SNX29: variants seen among roughly 807,000 people sequenced by gnomAD.
SNX29 encodes the protein sorting nexin 29, also known as sorting nexin-29.
SNX29 carries 78 observed loss-of-function variants against 102.1 expected under a neutral mutation model. That is an observed-to-expected ratio of 0.76 (90% confidence interval 0.64 to 0.92). The LOEUF (loss-of-function observed/expected upper bound fraction) is 0.92, where lower values mean the gene tolerates loss of function less well. SNX29 is among the 40% of genes least tolerant of loss of function. The pLI, the probability that SNX29 is intolerant of heterozygous loss-of-function variation, is 0.00. For synonymous variants in SNX29, 580 were observed against 414.5 expected, an observed-to-expected ratio of 1.40 and a Z score of -4.85; for missense variants, 1,280 against 1,061.7, an observed-to-expected ratio of 1.21 and a Z score of -2.86.
intron 18 of SNX29, among the ~76,000 whole-genome samples, chr16:12,475,630 T>G (rs989204315): frequency 6.6e-6 from 1 of 152,254 alleles, no homozygotes; most frequent in African/African-American, 2.4e-5. Context: ...ACACTTACAT[T>G]CACCTATAGT....
intron 13 of SNX29, among the ~76,000 whole-genome samples, chr16:12,162,915 T>A (rs1045354013): frequency 1.3e-5 from 2 of 151,980 alleles, no homozygotes; most frequent in African/African-American, 4.8e-5. Context: ...ACAGTCTCAC[T>A]CTGTTGCCAA....
intron 14 of SNX29, among the ~76,000 whole-genome samples, chr16:12,218,136 G>A (rs1457766440): frequency 2.0e-5 from 3 of 152,154 alleles, no homozygotes; most frequent in Non-Finnish European, 4.4e-5. Flanking sequence ...TGATTTCAGT[G>A]GAAGTAGACA....
chr16:12,447,491 TG>T (rs2086116437), intron 18 of SNX29, among the ~76,000 whole-genome samples: 1 of 152,230 alleles, frequency 6.6e-6, no homozygotes, highest in African/African-American at 2.4e-5. Flanking sequence ...ATTTTTAATC[TG>T]TAATAACAAA....
chr16:12,369,336 A>G lies in SNX29; in HGVS notation c.1899+13057A>G, dbSNP rs541343122. 7.2e-5 allele frequency among the ~76,000 whole-genome samples: 11 copies of G among 151,870 alleles called. No homozygotes were observed. In the East Asian group the frequency reaches 2.1e-3, roughly 29 times the overall value. ...TTTTTAGTAAAGATGGGGTTTCACC[A>G]TGTTGGCCAGGCTGGTCTTGAACTC... On this transcript the variant is annotated intron_variant, in intron 16 of 20. Transcript: ENST00000566228.
chr16:12,091,694 G>A lies in SNX29; in HGVS notation c.1402+12779G>A, dbSNP rs140945122. Among the ~76,000 whole-genome samples, 1,300 of 147,424 alleles carry A rather than the reference G, an allele frequency of 8.8e-3. 8 individuals carry two copies. Among genetic ancestry groups the A allele is most frequent in the Middle Eastern group, 0.014 (4 of 278 alleles). On this transcript the variant is annotated intron_variant, in intron 11 of 20. Coordinates refer to ENST00000566228, the MANE Select transcript of SNX29 (RefSeq NM_032167.5). ...TACTTGGAAGTGAGCCCACTTTGAG[G>A]TGAGCCCAGGAGTTTGAGGCTGCGG...
intron 5 of SNX29, among the ~76,000 whole-genome samples, chr16:12,045,386 C>T (rs1044868277): frequency 7.4e-6 from 1 of 136,046 alleles, no homozygotes; most frequent in Admixed American, 7.5e-5. Flanking sequence ...TTTTTGGTTG[C>T]CATTACTTAA....
intron 13 of SNX29, among the ~76,000 whole-genome samples, chr16:12,182,524 G>C (rs1036648516): frequency 6.6e-6 from 1 of 152,184 alleles, no homozygotes; most frequent in Admixed American, 6.5e-5. Flanking sequence ...TGGGAGGGCT[G>C]AGATAGTGAT....
chr16:12,573,916 G>A lies in SNX29; in HGVS notation c.*5287G>A, dbSNP rs138813745. 273 of 203,062 alleles carry A rather than the reference G, an allele frequency of 1.3e-3. No homozygotes were observed. Among genetic ancestry groups the A allele is most frequent in the African/African-American group, 5.9e-3 (260 of 43,742 alleles). 12.6% of individuals were successfully genotyped at this position (203,062 alleles called of 1,614,324 possible). A position where few individuals can be genotyped will look rare whatever the true frequency, so the allele number is the denominator to read the frequency against. On this transcript the variant is annotated 3_prime_UTR_variant, in exon 21 of 21. Transcript: ENST00000566228. Reference sequence around the variant, plus strand: ...GTAGAACGCTTACTCACCTGACACCGACTTCTTAGAGAAGCGAGTCTTTTT... The same window carrying A: ...GTAGAACGCTTACTCACCTGACACCAACTTCTTAGAGAAGCGAGTCTTTTT...
intron 13 of SNX29, among the ~76,000 whole-genome samples, chr16:12,132,403 G>C (rs955161857): frequency 6.6e-6 from 1 of 152,032 alleles, no homozygotes; most frequent in African/African-American, 2.4e-5. Flanking sequence ...CCTGGCCTCC[G>C]TGTCATTTAA....
At chr16:12,429,672 A>G (rs2085233524) in intron 18 of SNX29, among the ~76,000 whole-genome samples, 2 of 152,224 alleles carry the variant, frequency 1.3e-5, no homozygotes, top group African/African-American at 4.8e-5. Context: ...TCACGCTGTC[A>G]TATCATTTCT....
At chr16:12,084,696 A>G (rs970343370) in intron 11 of SNX29, among the ~76,000 whole-genome samples, 5 of 152,128 alleles carry the variant, frequency 3.3e-5, no homozygotes, top group Non-Finnish European at 5.9e-5. Context: ...AGATAGAGTG[A>G]CAGGATCAAC....
intron 16 of SNX29, among the ~76,000 whole-genome samples, chr16:12,370,536 G>A (rs1045051470): frequency 6.6e-6 from 1 of 152,138 alleles, no homozygotes; most frequent in Non-Finnish European, 1.5e-5. Context: ...CTTCAGCCTG[G>A]GTGACAGAGC....
At chr16:12,112,725 C>T (rs1039455654) in intron 11 of SNX29, among the ~76,000 whole-genome samples, 3 of 152,186 alleles carry the variant, frequency 2.0e-5, no homozygotes, top group African/African-American at 7.2e-5. Flanking sequence ...ATGTCAAAAC[C>T]CACTGATTGT....
chr16:12,064,082 C>T (rs1371504601), intron 9 of SNX29, among the ~76,000 whole-genome samples: 1 of 152,000 alleles, frequency 6.6e-6, no homozygotes, highest in African/African-American at 2.4e-5. Flanking sequence ...TGTCCCGTTC[C>T]CCATGGAGGG....
intron 14 of SNX29, among the ~76,000 whole-genome samples, chr16:12,213,731 CA>C (rs1162233617): frequency 1.3e-5 from 2 of 152,190 alleles, no homozygotes; most frequent in Non-Finnish European, 2.9e-5. Flanking sequence ...ATTACCCTGA[CA>C]AAACAGTATT....
At chr16:11,991,881 A>G (rs1316969935) in intron 1 of SNX29, among the ~76,000 whole-genome samples, 1 of 151,982 alleles carries the variant, frequency 6.6e-6, no homozygotes, top group East Asian at 1.9e-4. Flanking sequence ...GTGTGATTCA[A>G]TATGGGGACT....
chr16:12,036,334 C>CTTTT (rs1217078180), intron 4 of SNX29, among the ~76,000 whole-genome samples: 16 of 78,490 alleles, frequency 2.0e-4, no homozygotes, highest in Non-Finnish European at 4.2e-4. Flanking sequence ...TTCTTTCTTT[C>CTTTT]TTTTTTTTTT....
intron 11 of SNX29, among the ~76,000 whole-genome samples, chr16:12,091,378 A>C (rs2052534720): frequency 6.6e-6 from 1 of 152,070 alleles, no homozygotes; most frequent in African/African-American, 2.4e-5. Flanking sequence ...GTGCCCCTAA[A>C]ATTCCTAGGT....
chr16:12,514,497 C>T lies in SNX29; in HGVS notation c.2179-10205C>T, dbSNP rs112547197. ...TCTTGGGGCCAATTCTTGTTTCTACCCCCCAACTAAGGAGTTGTGGACCTG... is the reference window on the plus strand; with the variant it reads ...TCTTGGGGCCAATTCTTGTTTCTACTCCCCAACTAAGGAGTTGTGGACCTG... On this transcript the variant is annotated intron_variant, in intron 19 of 20. Coordinates refer to ENST00000566228, the MANE Select transcript of SNX29 (RefSeq NM_032167.5). Among the ~76,000 whole-genome samples the T allele has an allele frequency of 3.7e-4, 57 of 152,244 alleles. 1 individual carries two copies. Among genetic ancestry groups the T allele is most frequent in the African/African-American group, 1.3e-3 (55 of 41,540 alleles).
Sources: gnomAD v4.1 joint callset for allele counts (sites outside exome capture counted in the v4.1 genomes callset) on GRCh38, gnomAD v4.1.1 for gene constraint, MANE v1.5 for transcripts, NCBI Gene and HGNC (gene_info 2026-07-23, HGNC 2026-07-21) for gene names.